SCHIP1: variants seen among roughly 807,000 people sequenced by gnomAD.
The protein encoded by SCHIP1 is schwannomin-interacting protein 1.
Under a neutral mutation model 29.7 loss-of-function variants are expected in SCHIP1, and 8 were observed. That is an observed-to-expected ratio of 0.27 (90% confidence interval 0.16 to 0.49). The LOEUF (loss-of-function observed/expected upper bound fraction) is 0.49. SCHIP1 is among the 20% of genes least tolerant of loss of function. The pLI, the probability that SCHIP1 is intolerant of heterozygous loss-of-function variation, is 0.99. For synonymous variants in SCHIP1, 76 were observed against 94.9 expected, an observed-to-expected ratio of 0.80 and a Z score of 1.16; for missense variants, 193 against 294.6, an observed-to-expected ratio of 0.66 and a Z score of 2.52.
chr3:159,887,978 C>T, intron 4 of SCHIP1, 73 bp downstream of exon 5: 1 of 1,563,712 alleles, frequency 6.4e-7, no homozygotes, highest in Non-Finnish European at 8.7e-7. Context: ...CAGTCCTTTC[C>T]CAGAATTATG....
chr3:159,869,769 G>T (rs939734132), intron 2 of SCHIP1, among the ~76,000 whole-genome samples: 2 of 151,668 alleles, frequency 1.3e-5, no homozygotes, highest in Non-Finnish European at 2.9e-5. Context: ...GACTGTAATT[G>T]CATTGATTCT....
At chr3:159,485,239 C>T in the SCHIP1 span, among the ~76,000 whole-genome samples, 2 of 152,140 alleles carry the variant, frequency 1.3e-5, no homozygotes, top group Admixed American at 1.3e-4. Context: ...CAGGAGCCAG[C>T]CTGCCTGGGG....
At chr3:159,885,732 C>T (rs559122786) in intron 2 of SCHIP1, among the ~76,000 whole-genome samples, 2 of 152,312 alleles carry the variant, frequency 1.3e-5, no homozygotes, top group African/African-American at 4.8e-5. Flanking sequence ...TCAGATGACC[C>T]TATTCTGTCT....
chr3:159,378,667 T>G, the SCHIP1 span, among the ~76,000 whole-genome samples: 3 of 152,180 alleles, frequency 2.0e-5, no homozygotes, highest in African/African-American at 4.8e-5. Flanking sequence ...AGGAAGCCTC[T>G]TAGCTCTCTC....
the SCHIP1 span, among the ~76,000 whole-genome samples, chr3:159,469,721 C>T: frequency 6.6e-6 from 1 of 152,108 alleles, no homozygotes; most frequent in Non-Finnish European, 1.5e-5. Flanking sequence ...CTACATGAGT[C>T]CCTGATGAGT....
At chr3:159,793,250 CTCTCTCTG>C in the SCHIP1 span, among the ~76,000 whole-genome samples, 3 of 152,084 alleles carry the variant, frequency 2.0e-5, no homozygotes, top group Admixed American at 1.3e-4. Flanking sequence ...CTGTCTCTGT[CTCTCTCTG>C]TCTCTCTGTC....
chr3:159,669,133 C>T, the SCHIP1 span, among the ~76,000 whole-genome samples: 9 of 152,170 alleles, frequency 5.9e-5, no homozygotes, highest in Non-Finnish European at 1.0e-4. Context: ...TCTGACATTC[C>T]ATTTCTTTTT....
chr3:159,735,318 C>T, the SCHIP1 span, among the ~76,000 whole-genome samples: 2 of 151,776 alleles, frequency 1.3e-5, no homozygotes, highest in East Asian at 1.9e-4. Flanking sequence ...CAACCTCTGC[C>T]TCCCGGGTTC....
the SCHIP1 span, among the ~76,000 whole-genome samples, chr3:159,797,082 G>GTTTGT: frequency 1.3e-5 from 2 of 152,096 alleles, no homozygotes; most frequent in Non-Finnish European, 2.9e-5. Context: ...TGTGTTTTTT[G>GTTTGT]TTTGTTTTGT....
At chr3:159,275,933 C>T in the SCHIP1 span, among the ~76,000 whole-genome samples, 1 of 152,214 alleles carries the variant, frequency 6.6e-6, no homozygotes, top group African/African-American at 2.4e-5. Flanking sequence ...TAAAAATATG[C>T]TCCCAGATCT....
chr3:159,280,555 C>T, the SCHIP1 span, among the ~76,000 whole-genome samples: 1 of 152,094 alleles, frequency 6.6e-6, no homozygotes, highest in Non-Finnish European at 1.5e-5. Context: ...CTCAAAGGGA[C>T]ACGAAAGCTT....
the SCHIP1 span, among the ~76,000 whole-genome samples, chr3:159,321,913 ACT>A: frequency 6.6e-6 from 1 of 151,780 alleles, no homozygotes; most frequent in African/African-American, 2.4e-5. Flanking sequence ...TATATTACTA[ACT>A]CTTTTTGTTA....
chr3:159,472,507 G>T, the SCHIP1 span, among the ~76,000 whole-genome samples: 4 of 152,126 alleles, frequency 2.6e-5, no homozygotes, highest in African/African-American at 9.7e-5. Context: ...GCCTGAGTCG[G>T]CTGTGCTCCC....
the SCHIP1 span, among the ~76,000 whole-genome samples, chr3:159,619,522 A>G: frequency 1.3e-5 from 2 of 152,236 alleles, no homozygotes; most frequent in Non-Finnish European, 2.9e-5. Flanking sequence ...GCCAGCCAGA[A>G]TCCTTTCAAA....
At chr3:159,544,358 A>T in the SCHIP1 span, among the ~76,000 whole-genome samples, 77 of 152,194 alleles carry the variant, frequency 5.1e-4, no homozygotes, top group African/African-American at 1.5e-3. Flanking sequence ...ATTCTTACAC[A>T]TATTGGACAT....
the SCHIP1 span, among the ~76,000 whole-genome samples, chr3:159,653,156 T>A: frequency 6.6e-6 from 1 of 152,168 alleles, no homozygotes; most frequent in Non-Finnish European, 1.5e-5. Flanking sequence ...TAAATTAGTT[T>A]AACCATTGTG....
chr3:159,885,959 G>C (rs765123286), intron 2 of SCHIP1, among the ~76,000 whole-genome samples: 2 of 152,166 alleles, frequency 1.3e-5, no homozygotes, highest in Non-Finnish European at 2.9e-5. Flanking sequence ...GTATTGTGCT[G>C]GGTGCTCTAA....
chr3:159,841,038 G>T (rs1263994016), intron 1 of SCHIP1, among the ~76,000 whole-genome samples: 1 of 152,136 alleles, frequency 6.6e-6, no homozygotes, highest in East Asian at 1.9e-4. Flanking sequence ...CCAAATCTTG[G>T]AGAGTTAATA....
At chr3:159,699,301 G>C in the SCHIP1 span, among the ~76,000 whole-genome samples, 2 of 152,164 alleles carry the variant, frequency 1.3e-5, no homozygotes, top group Non-Finnish European at 2.9e-5. Context: ...ATTGGGACTT[G>C]TATATGTTAG....
Sources: gnomAD v4.1 joint callset for allele counts (sites outside exome capture counted in the v4.1 genomes callset) on GRCh38, gnomAD v4.1.1 for gene constraint, MANE v1.5 for transcripts, NCBI Gene and HGNC (gene_info 2026-07-23, HGNC 2026-07-21) for gene names.